The following ACOT13 variants were observed in gnomAD, a reference collection of about 807,000 sequenced individuals.
ACOT13 encodes acyl-coenzyme A thioesterase 13.
In ACOT13, 10 loss-of-function variants were observed where a neutral mutation model predicts 11.8. That is an observed-to-expected ratio of 0.85 (90% CI 0.53 to 1.44). The LOEUF (loss-of-function observed/expected upper bound fraction) is 1.44. Among genes scored for constraint, ACOT13 ranks in the 40% most tolerant of loss-of-function variants. The pLI is 0.00. For synonymous variants in ACOT13, 53 were observed against 61.0 expected (o/e 0.87, Z 0.61); for missense variants, 172 against 174.1 (o/e 0.99, Z 0.07).
chr6:24,699,671 G>A (rs989166690), intron 2 of ACOT13, among the ~76,000 whole-genome samples: 11 of 152,218 alleles, frequency 7.2e-5, no homozygotes, highest in African/African-American at 2.7e-4. Context: ...GAAAGGCTCT[G>A]CTTATGTTAC....
chr6:24,695,166 A>C (rs1778774400), intron 1 of ACOT13, among the ~76,000 whole-genome samples: 2 of 152,110 alleles, frequency 1.3e-5, no homozygotes, highest in South Asian at 4.2e-4. Context: ...AAAATTAGCC[A>C]GGCATGGTGG....
At chr6:24,672,709 A>T (rs1040183873) in intron 1 of ACOT13, among the ~76,000 whole-genome samples, 2 of 152,228 alleles carry the variant, frequency 1.3e-5, no homozygotes, top group Non-Finnish European at 2.9e-5. Context: ...GAGTCAGTTA[A>T]TGTGTCAAGA....
At chr6:24,695,001 C>T (rs1778772423) in intron 1 of ACOT13, among the ~76,000 whole-genome samples, 1 of 152,130 alleles carries the variant, frequency 6.6e-6, no homozygotes, top group Non-Finnish European at 1.5e-5. Context: ...CTTTACTGAA[C>T]AAACTGTGCC....
chr6:24,683,339 A>T (rs1192491644), intron 1 of ACOT13, among the ~76,000 whole-genome samples: 1 of 152,192 alleles, frequency 6.6e-6, no homozygotes, highest in African/African-American at 2.4e-5. Context: ...GGAGTTCAAG[A>T]CCAGCCTGGC....
chr6:24,699,323 C>T (rs575006632), intron 2 of ACOT13, among the ~76,000 whole-genome samples: 2 of 151,536 alleles, frequency 1.3e-5, no homozygotes, highest in Admixed American at 1.3e-4. Flanking sequence ...CATTCTCCTG[C>T]CTCAGCCTCC....
chr6:24,697,887 C>T lies in ACOT13; in HGVS notation c.86C>T (p.Thr29Ile), dbSNP rs1160840531. ...GATTCTTTTTTTTACACTTAGATTA[C>T]TCTTGTCTCTGCTGCTCCTGGGAAA... is the stretch of plus-strand genomic sequence containing the variant. ...RNFERVLGKI[T>I]LVSAAPGKVI... Residue 29 changes from threonine (T) to isoleucine (I), a missense_variant, in exon 2 of 3, where the codon ACT becomes ATT. By Grantham distance (89) the Thr-to-Ile change is moderately conservative. Coordinates refer to ENST00000230048, the MANE Select transcript of ACOT13 (RefSeq NM_018473.4). 1.9e-6 allele frequency: 3 copies of T among 1,602,134 alleles called. No individual in the cohort carries two copies. The highest frequency in any genetic ancestry group is 2.2e-5 in the East Asian group (1 of 44,494).
At chr6:24,668,847 C>T (rs1778309732) in intron 1 of ACOT13, among the ~76,000 whole-genome samples, 1 of 152,106 alleles carries the variant, frequency 6.6e-6, no homozygotes, top group Admixed American at 6.5e-5. Context: ...CGTAATTTTG[C>T]TTTTTGCAAC....
chr6:24,674,407 G>A (rs111310955), intron 1 of ACOT13, among the ~76,000 whole-genome samples: 2 of 113,294 alleles, frequency 1.8e-5, no homozygotes, highest in Non-Finnish European at 4.2e-5. Context: ...GGGGGGTTTT[G>A]TTTGTTTTTT....
chr6:24,669,784 A>G (rs1383478825), intron 1 of ACOT13, among the ~76,000 whole-genome samples: 1 of 152,192 alleles, frequency 6.6e-6, no homozygotes, highest in Non-Finnish European at 1.5e-5. Context: ...TGGAAAATAT[A>G]CATAGGCCAC....
At chr6:24,701,409 T>C in intron 2 of ACOT13, 50 bp from the exon 3 acceptor site, 1 of 1,551,580 alleles carries the variant, frequency 6.4e-7, no homozygotes, top group African/African-American at 1.4e-5. Flanking sequence ...TGCACACAAC[T>C]TTCCCTTTGA....
chr6:24,696,036 C>A (rs1471937730), intron 1 of ACOT13, among the ~76,000 whole-genome samples: 19 of 151,984 alleles, frequency 1.3e-4, no homozygotes, highest in Admixed American at 1.2e-3. Context: ...CCAGCCTCAG[C>A]AACAGAAAAG....
intron 1 of ACOT13, among the ~76,000 whole-genome samples, chr6:24,669,053 A>G (rs1243337295): frequency 6.6e-6 from 1 of 152,224 alleles, no homozygotes; most frequent in East Asian, 1.9e-4. Flanking sequence ...CTTGTAAGAA[A>G]ATCATGCTCC....
intron 1 of ACOT13, 93 bp downstream of exon 1, chr6:24,667,437 T>A: frequency 8.8e-7 from 1 of 1,133,852 alleles, no homozygotes; most frequent in Non-Finnish European, 1.3e-6. Context: ...TAATTATCTC[T>A]TGTTAGGTTG....
intron 1 of ACOT13, among the ~76,000 whole-genome samples, chr6:24,676,212 C>T (rs1213146298): frequency 6.6e-6 from 1 of 152,110 alleles, no homozygotes; most frequent in Admixed American, 6.5e-5. Flanking sequence ...AATGCAGGCT[C>T]TTTTTTGGTT....
At chr6:24,680,214 A>T (rs1303388204) in intron 1 of ACOT13, among the ~76,000 whole-genome samples, 2 of 152,306 alleles carry the variant, frequency 1.3e-5, no homozygotes, top group East Asian at 3.9e-4. Flanking sequence ...TCCTTTCTAC[A>T]GAAGAGGTCA....
rs1187443661 is a variant in ACOT13, at chr6:24,698,041, C to G, written c.240C>G (p.Pro80=). ...TGCTATGCACGGAAAGGGGAGCACCCGGAGTCAGTGTCGATATGAACATAA... is the reference window on the plus strand; with the variant it reads ...TGCTATGCACGGAAAGGGGAGCACCGGGAGTCAGTGTCGATATGAACATAA... ...MALLCTERGA[P]GVSVDMNITY... Residue 80 remains proline, a synonymous_variant, in exon 2 of 3, where the codon CCC becomes CCG. Coordinates refer to ENST00000230048, the MANE Select transcript of ACOT13 (RefSeq NM_018473.4). 4.3e-6 allele frequency: 7 copies of G among 1,609,258 alleles called. No individual in the cohort carries two copies. Among genetic ancestry groups the G allele is most frequent in the African/African-American group, 1.3e-5 (1 of 74,702 alleles).
At chr6:24,693,385 G>A (rs1320776440) in intron 1 of ACOT13, among the ~76,000 whole-genome samples, 3 of 152,192 alleles carry the variant, frequency 2.0e-5, no homozygotes, top group African/African-American at 7.2e-5. Flanking sequence ...CAGAGGCAGT[G>A]GAGGCAGTGG....
At chr6:24,687,576 G>T in intron 1 of ACOT13, 2 of 1,452,668 alleles carry the variant, frequency 1.4e-6, no homozygotes, top group South Asian at 1.5e-5. Context: ...ATACCTGAAT[G>T]AGATGTCAAG....
intron 1 of ACOT13, among the ~76,000 whole-genome samples, chr6:24,673,124 T>A (rs1349191601): frequency 1.3e-5 from 2 of 152,196 alleles, no homozygotes; most frequent in African/African-American, 4.8e-5. Flanking sequence ...AATCTTTTTT[T>A]AATCTCAGTT....
Sources: allele counts gnomAD v4.1 joint callset (sites outside exome capture counted in the v4.1 genomes callset), GRCh38; gene constraint gnomAD v4.1.1; transcripts MANE v1.5; gene names NCBI Gene and HGNC (gene_info 2026-07-23, HGNC 2026-07-21).